The following ARK2C variants were observed in gnomAD, a reference collection of about 807,000 sequenced individuals.
ARK2C encodes the protein arkadia (RNF111) C-terminal like ring finger ubiquitin ligase 2C.
At chr18:46,444,347 T>C in the ARK2C span, among the ~76,000 whole-genome samples, 1 of 152,198 alleles carries the variant, frequency 6.6e-6, no homozygotes, top group Non-Finnish European at 1.5e-5. Flanking sequence ...ATATTTTTTC[T>C]GTCATCTACC....
the ARK2C span, among the ~76,000 whole-genome samples, chr18:46,339,549 T>G: frequency 1.3e-5 from 2 of 152,214 alleles, no homozygotes; most frequent in Admixed American, 1.3e-4. Context: ...TCTTTATATT[T>G]ATTCTCTCAA....
chr18:46,427,588 A>G, the ARK2C span, among the ~76,000 whole-genome samples: 14 of 152,186 alleles, frequency 9.2e-5, no homozygotes, highest in African/African-American at 3.1e-4. Flanking sequence ...CCCACTTGCC[A>G]TTCTCTTTCC....
At chr18:46,367,769 G>A in the ARK2C span, among the ~76,000 whole-genome samples, 1 of 152,212 alleles carries the variant, frequency 6.6e-6, no homozygotes, top group African/African-American at 2.4e-5. Flanking sequence ...CTGAATGTTA[G>A]GTTAGAGGTA....
At chr18:46,350,296 C>T in the ARK2C span, among the ~76,000 whole-genome samples, 15 of 152,316 alleles carry the variant, frequency 9.8e-5, no homozygotes, top group African/African-American at 3.6e-4. Context: ...AGCCGCAGAG[C>T]CTGGGCCTTT....
the ARK2C span, among the ~76,000 whole-genome samples, chr18:46,418,855 A>G: frequency 1.3e-5 from 2 of 152,254 alleles, no homozygotes; most frequent in Admixed American, 6.5e-5. Context: ...CAAGTCATTC[A>G]GCACCTCCGT....
the ARK2C span, among the ~76,000 whole-genome samples, chr18:46,364,953 G>C: frequency 6.6e-6 from 1 of 152,306 alleles, no homozygotes; most frequent in East Asian, 1.9e-4. Context: ...TCTGGTCCCA[G>C]CTGGGTCTCT....
chr18:46,385,130 C>T, the ARK2C span, among the ~76,000 whole-genome samples: 211 of 152,300 alleles, frequency 1.4e-3, no homozygotes, highest in South Asian at 0.01. Context: ...AGAGATCCTG[C>T]TTACCACACT....
the ARK2C span, among the ~76,000 whole-genome samples, chr18:46,403,392 C>T: frequency 6.6e-6 from 1 of 152,172 alleles, no homozygotes; most frequent in Non-Finnish European, 1.5e-5. Flanking sequence ...CCTCCCTGCC[C>T]CCCGTCTCCC....
chr18:46,353,998 T>C, the ARK2C span, among the ~76,000 whole-genome samples: 1 of 152,096 alleles, frequency 6.6e-6, no homozygotes, highest in Non-Finnish European at 1.5e-5. Flanking sequence ...TTGGCCAAGA[T>C]CATTCAGCTG....
chr18:46,435,851 G>A, the ARK2C span, among the ~76,000 whole-genome samples: 2 of 152,320 alleles, frequency 1.3e-5, no homozygotes, highest in African/African-American at 4.8e-5. Flanking sequence ...TGGGGTGGCT[G>A]TGTAAACACA....
At chr18:46,450,467 C>T in the ARK2C span, 2 of 1,186,768 alleles carry the variant, frequency 1.7e-6, no homozygotes, top group Non-Finnish European at 2.5e-6. Context: ...TCCCTTTTCC[C>T]TCCCCACCTC....
the ARK2C span, among the ~76,000 whole-genome samples, chr18:46,445,714 T>G: frequency 6.6e-6 from 1 of 152,198 alleles, no homozygotes; most frequent in Non-Finnish European, 1.5e-5. Flanking sequence ...CTAGGGAGGT[T>G]GCAGAGCTCA....
chr18:46,354,068 G>A, the ARK2C span, among the ~76,000 whole-genome samples: 2 of 152,190 alleles, frequency 1.3e-5, no homozygotes, highest in African/African-American at 4.8e-5. Flanking sequence ...AGGAAGGCAG[G>A]AGCCACAACG....
chr18:46,386,963 C>T, the ARK2C span: 1 of 152,304 alleles, frequency 6.6e-6, no homozygotes, highest in Non-Finnish European at 1.5e-5. Flanking sequence ...ACTGACATTC[C>T]TGGGCACTGC....
chr18:46,376,438 G>A, the ARK2C span, among the ~76,000 whole-genome samples: 1 of 152,164 alleles, frequency 6.6e-6, no homozygotes, highest in Non-Finnish European at 1.5e-5. Flanking sequence ...CCTGGCAGGT[G>A]GAGAGCATAA....
the ARK2C span, among the ~76,000 whole-genome samples, chr18:46,347,310 T>C: frequency 6.6e-6 from 1 of 152,186 alleles, no homozygotes; most frequent in Non-Finnish European, 1.5e-5. Context: ...TCTCATTTCA[T>C]TGTCATCCCT....
At chr18:46,401,110 G>A in the ARK2C span, among the ~76,000 whole-genome samples, 1 of 152,130 alleles carries the variant, frequency 6.6e-6, no homozygotes, top group African/African-American at 2.4e-5. Flanking sequence ...CAAGCTTGGA[G>A]CCTAGGAGGA....
the ARK2C span, among the ~76,000 whole-genome samples, chr18:46,420,572 C>T: frequency 2.6e-5 from 4 of 151,900 alleles, no homozygotes; most frequent in African/African-American, 4.8e-5. Flanking sequence ...GGGCCAGATG[C>T]GGTGGCTCAC....
chr18:46,395,446 G>T, the ARK2C span, among the ~76,000 whole-genome samples: 178 of 152,300 alleles, frequency 1.2e-3, no homozygotes, highest in African/African-American at 4.1e-3. Flanking sequence ...CCCTGGCTTG[G>T]TTGTTGAGAA....
Sources: gnomAD v4.1 joint callset for allele counts (sites outside exome capture counted in the v4.1 genomes callset) on GRCh38, gnomAD v4.1.1 for gene constraint, MANE v1.5 for transcripts, NCBI Gene and HGNC (gene_info 2026-07-23, HGNC 2026-07-21) for gene names.